The following GRM7 variants were observed in gnomAD, a reference collection of about 807,000 sequenced individuals.
The protein encoded by GRM7 is metabotropic glutamate receptor 7.
A neutral mutation model predicts 84.5 loss-of-function variants in GRM7; 35 were observed. The ratio of observed to expected loss-of-function variants is 0.41; its 90% CI spans 0.32 to 0.55. The LOEUF (loss-of-function observed/expected upper bound fraction) is 0.55. GRM7 is among the 20% of genes least tolerant of loss of function. GRM7 has a pLI of 0.19. For synonymous variants in GRM7, 487 were observed against 455.1 expected (o/e 1.07, Z -0.89); for missense variants, 1,003 against 1,194.6 (o/e 0.84, Z 2.36).
At chr3:7,425,840 A>G (rs530790367) in intron 5 of GRM7, among the ~76,000 whole-genome samples, 1 of 152,314 alleles carries the variant, frequency 6.6e-6, no homozygotes, top group South Asian at 2.1e-4. Flanking sequence ...TTTTGTGCTG[A>G]AGTGTACAGA....
Position 6,928,312 on chromosome 3 carries a change from C to A in GRM7, c.519+66405C>A, listed in dbSNP as rs1458925331. Among the ~76,000 whole-genome samples, 1 of 152,044 alleles carries A rather than the reference C, an allele frequency of 6.6e-6. No individual in the cohort carries two copies. The highest frequency in any genetic ancestry group is 6.6e-5 in the Admixed American group (1 of 15,260). The stretch of plus-strand genomic sequence containing the variant: ...TTGTTAACTTGTAGATATGATTAAG[C>A]CCCACAGTTTTCCCATGAAAGTTTA... On this transcript the variant is annotated intron_variant, in intron 1 of 9. Transcript: ENST00000357716. This position sits in a 1 kb window ranked among gnomAD's most constrained non-coding sequence, Gnocchi z 4.5.
intron 7 of GRM7, among the ~76,000 whole-genome samples, chr3:7,512,912 A>C (rs1700260009): frequency 1.3e-5 from 2 of 152,152 alleles, no homozygotes; most frequent in Admixed American, 6.6e-5. Context: ...GGTTTTAAAA[A>C]TTCATCAACA....
At chr3:7,268,665 A>G (rs1301483881) in intron 2 of GRM7, among the ~76,000 whole-genome samples, 4 of 152,216 alleles carry the variant, frequency 2.6e-5, no homozygotes, top group South Asian at 4.1e-4. Context: ...AGAAAAGCAG[A>G]AACAGTGAAC....
chr3:6,890,316 G>C (rs570897598), intron 1 of GRM7, among the ~76,000 whole-genome samples: 1 of 152,142 alleles, frequency 6.6e-6, no homozygotes. Flanking sequence ...TCTTGTAATT[G>C]TGATGTTAGG....
intron 7 of GRM7, among the ~76,000 whole-genome samples, chr3:7,526,097 A>G (rs1700796585): frequency 6.6e-6 from 1 of 152,168 alleles, no homozygotes; most frequent in Non-Finnish European, 1.5e-5. Context: ...TGGTAATTCT[A>G]TCTTTAGTTC....
At chr3:7,624,828 G>T (rs1697531839) in intron 8 of GRM7, among the ~76,000 whole-genome samples, 1 of 152,122 alleles carries the variant, frequency 6.6e-6, no homozygotes, top group African/African-American at 2.4e-5. Flanking sequence ...ACGTTACCTG[G>T]TTGGAAACAT....
At chr3:7,305,378 G>T (rs1575145228) in intron 3 of GRM7, among the ~76,000 whole-genome samples, 1 of 36,100 alleles carries the variant, frequency 2.8e-5, no homozygotes. Context: ...TTAAGTTTTA[G>T]GATACATGTG....
At chr3:7,051,929 C>A (rs1384798015) in intron 1 of GRM7, among the ~76,000 whole-genome samples, 3 of 151,594 alleles carry the variant, frequency 2.0e-5, no homozygotes, top group South Asian at 2.1e-4. Flanking sequence ...CTAATTAATT[C>A]TTTTAGCTGT....
chr3:7,662,180 T>C (rs990856614), intron 8 of GRM7, among the ~76,000 whole-genome samples: 1 of 152,192 alleles, frequency 6.6e-6, no homozygotes, highest in Non-Finnish European at 1.5e-5. Context: ...ATTTTATTTA[T>C]ATAAAACTCT....
At chr3:7,309,456 A>C (rs1274892335) in intron 4 of GRM7, among the ~76,000 whole-genome samples, 1 of 152,152 alleles carries the variant, frequency 6.6e-6, no homozygotes, top group Non-Finnish European at 1.5e-5. Flanking sequence ...GCTGGGGTAG[A>C]ATATTTTTCA....
intron 1 of GRM7, among the ~76,000 whole-genome samples, chr3:7,040,102 C>G (rs1431148151): frequency 6.6e-6 from 1 of 152,148 alleles, no homozygotes; most frequent in African/African-American, 2.4e-5. Context: ...TTGCAGGGCC[C>G]CATTCCAAGA....
chr3:7,273,359 G>A (rs1476704442), intron 2 of GRM7, among the ~76,000 whole-genome samples: 1 of 152,052 alleles, frequency 6.6e-6, no homozygotes, highest in Non-Finnish European at 1.5e-5. Context: ...CACAGATGCC[G>A]ATTCTATGTA....
intron 3 of GRM7, among the ~76,000 whole-genome samples, chr3:7,300,631 C>G (rs375114694): frequency 1.3e-5 from 2 of 152,086 alleles, no homozygotes; most frequent in Admixed American, 1.3e-4. Flanking sequence ...GGTATGATCT[C>G]CCTCCCAATT....
chr3:7,583,369 G>C (rs1423511829), intron 8 of GRM7, among the ~76,000 whole-genome samples: 1 of 152,188 alleles, frequency 6.6e-6, no homozygotes, highest in Admixed American at 6.5e-5. Context: ...AGAGGGATCA[G>C]AAAATTTGGC....
At chr3:7,474,810 AC>A (rs1429085452) in intron 7 of GRM7, among the ~76,000 whole-genome samples, 2 of 152,192 alleles carry the variant, frequency 1.3e-5, no homozygotes, top group East Asian at 1.9e-4. Flanking sequence ...GGAAGATTTT[AC>A]AGAGTAAGTG....
At chr3:7,081,917 G>A (rs1307993277) in intron 1 of GRM7, among the ~76,000 whole-genome samples, 1 of 152,068 alleles carries the variant, frequency 6.6e-6, no homozygotes, top group African/African-American at 2.4e-5. Flanking sequence ...AGAAGTGAGA[G>A]AGCTACCGAA....
At chr3:7,599,812 G>A (rs1300856335) in intron 8 of GRM7, among the ~76,000 whole-genome samples, 1 of 152,046 alleles carries the variant, frequency 6.6e-6, no homozygotes, top group Non-Finnish European at 1.5e-5. Flanking sequence ...TGTTGATTCG[G>A]GAGCACAAAA....
In GRM7 at chr3:7,365,647, G is replaced by GTATA. The variant is rs755999982; in HGVS notation, c.1034-49361_1034-49358dup. On this transcript the variant is annotated intron_variant, in intron 4 of 9. Transcript: ENST00000357716. ...AATATGCATGTGTGTGTGCGTGTGT[G>GTATA]TATATATATATATATATACACACAC... Among the ~76,000 whole-genome samples, 990 of 130,028 alleles carry GTATA rather than the reference G, an allele frequency of 7.6e-3. 14 individuals are homozygous for GTATA. The highest frequency in any genetic ancestry group is 0.026 in the African/African-American group (912 of 35,604). The allele number at this position is 130,028 out of a possible 152,430, so 85.3% of individuals were successfully genotyped here.
At chr3:7,404,897 G>A (rs1470791523) in intron 4 of GRM7, among the ~76,000 whole-genome samples, 1 of 152,052 alleles carries the variant, frequency 6.6e-6, no homozygotes, top group Non-Finnish European at 1.5e-5. Context: ...TGGTTTTCTT[G>A]ATAGACAATC....
Sources: allele counts gnomAD v4.1 joint callset (sites outside exome capture counted in the v4.1 genomes callset), GRCh38; gene constraint gnomAD v4.1.1; non-coding constraint Gnocchi (gnomAD v3.1); transcripts MANE v1.5; gene names NCBI Gene and HGNC (gene_info 2026-07-23, HGNC 2026-07-21).